FAM13A: variants seen among roughly 807,000 people sequenced by gnomAD.
The protein encoded by FAM13A is family with sequence similarity 13 member A.
Under a neutral mutation model 129.6 loss-of-function variants are expected in FAM13A, and 76 were observed. The ratio of observed to expected loss-of-function variants is 0.59; its 90% confidence interval spans 0.49 to 0.71. The LOEUF (loss-of-function observed/expected upper bound fraction) is 0.71. FAM13A is among the 30% of genes least tolerant of loss of function. The pLI, the probability that FAM13A is intolerant of heterozygous loss-of-function variation, is 0.00. For missense variants in FAM13A, 1,108 were observed against 1,249.3 expected (o/e 0.89, Z 1.70); for synonymous variants, 443 against 449.9 (o/e 0.98, Z 0.20).
chr4:88,852,286 T>G (rs780577603), intron 6 of FAM13A, among the ~76,000 whole-genome samples: 1 of 151,906 alleles, frequency 6.6e-6, no homozygotes, highest in Non-Finnish European at 1.5e-5. Flanking sequence ...CTCAGCCTCC[T>G]GAGTAGGTGG....
At chr4:88,754,909 T>A (rs73841694) in intron 14 of FAM13A, among the ~76,000 whole-genome samples, 2,566 of 152,280 alleles carry the variant, frequency 0.017, 75 homozygotes, top group African/African-American at 0.059. Flanking sequence ...TTTTACCTAA[T>A]GAGAATACCC....
chr4:88,988,736 T>G (rs1762571254), intron 4 of FAM13A, among the ~76,000 whole-genome samples: 1 of 151,990 alleles, frequency 6.6e-6, no homozygotes, highest in Non-Finnish European at 1.5e-5. Context: ...TAAGGCAAAT[T>G]TATTCAATAA....
At position 89,029,584 on chromosome 4, in the gene FAM13A, T is replaced by C; in HGVS notation, c.93A>G (p.Glu31=). 6.3e-7 allele frequency: 1 copy of C among 1,592,760 alleles called. No individual in the cohort carries two copies. The highest frequency in any genetic ancestry group is 8.5e-7 in the Non-Finnish European group (1 of 1,173,212). Reference sequence around the variant, plus strand: ...ACTTCTGATAGGTAAAATCCTTCTGTTCATTTAATGGCACTGCCACTATCT... The same window carrying C: ...ACTTCTGATAGGTAAAATCCTTCTGCTCATTTAATGGCACTGCCACTATCT... ...MKKIVAVPLN[E]QKDFTYQKLF... The change falls in exon 2 of 24, where the codon GAA becomes GAG. Residue 31 remains glutamate, a synonymous_variant. Transcript: ENST00000264344.
At chr4:88,777,292 T>G (rs973760064) in intron 11 of FAM13A, among the ~76,000 whole-genome samples, 1 of 152,172 alleles carries the variant, frequency 6.6e-6, no homozygotes, top group African/African-American at 2.4e-5. Context: ...GAAACTTACT[T>G]TGTCATTTGA....
At chr4:88,974,349 C>T (rs1175967006) in intron 4 of FAM13A, among the ~76,000 whole-genome samples, 4 of 152,218 alleles carry the variant, frequency 2.6e-5, no homozygotes, top group African/African-American at 9.6e-5. Flanking sequence ...GACCTCAACA[C>T]TCTTCCAAAT....
At chr4:89,050,437 C>A (rs1771432641) in intron 1 of FAM13A, among the ~76,000 whole-genome samples, 1 of 151,918 alleles carries the variant, frequency 6.6e-6, no homozygotes, top group Admixed American at 6.6e-5. Context: ...AACTCCTGGC[C>A]TTAAGTGATC....
At chr4:88,958,707 G>A (rs1758150373) in intron 4 of FAM13A, among the ~76,000 whole-genome samples, 1 of 152,190 alleles carries the variant, frequency 6.6e-6, no homozygotes, top group Admixed American at 6.5e-5. Flanking sequence ...TGGAGTTGGA[G>A]CCCCCCGACA....
chr4:89,006,320 G>A (rs1257548685), intron 3 of FAM13A, among the ~76,000 whole-genome samples: 1 of 152,214 alleles, frequency 6.6e-6, no homozygotes, highest in East Asian at 1.9e-4. Flanking sequence ...CACTGACCTA[G>A]CACTTATTAA....
chr4:88,870,310 G>A (rs536399927), intron 6 of FAM13A, among the ~76,000 whole-genome samples: 67 of 152,290 alleles, frequency 4.4e-4, no homozygotes, highest in African/African-American at 1.5e-3. Context: ...CACGGAGGGC[G>A]AGCTGAAGCA....
chr4:89,051,314 T>C (rs28600923), intron 1 of FAM13A, among the ~76,000 whole-genome samples: 113,208 of 151,974 alleles, frequency 0.74, 42,696 homozygotes, highest in African/African-American at 0.88. Context: ...GGTCAAATAA[T>C]TCTCTGGGGT....
chr4:88,911,378 G>T (rs1389248812), intron 5 of FAM13A, among the ~76,000 whole-genome samples: 1 of 152,102 alleles, frequency 6.6e-6, no homozygotes, highest in Non-Finnish European at 1.5e-5. Context: ...ACTTTGGATG[G>T]GCCCTCCCTC....
chr4:88,764,973 T>C (rs1368502050), intron 13 of FAM13A, among the ~76,000 whole-genome samples: 1 of 152,154 alleles, frequency 6.6e-6, no homozygotes, highest in Admixed American at 6.6e-5. Flanking sequence ...ATAATTAAAA[T>C]AAATTAAAAA....
At chr4:88,811,111 T>G (rs992014202) in intron 7 of FAM13A, among the ~76,000 whole-genome samples, 1 of 152,194 alleles carries the variant, frequency 6.6e-6, no homozygotes, top group Admixed American at 6.5e-5. Context: ...TCTGTCCTAC[T>G]GCCAAAATCA....
chr4:89,024,953 C>A (rs991457913), intron 2 of FAM13A, among the ~76,000 whole-genome samples: 2 of 152,102 alleles, frequency 1.3e-5, no homozygotes, highest in South Asian at 2.1e-4. Flanking sequence ...TCATTAAGAG[C>A]GACTGATTTA....
At position 88,822,944 on chromosome 4, in the gene FAM13A, T is replaced by C. The variant is rs553100992; in HGVS notation, c.1008-17892A>G. On this transcript the variant is annotated intron_variant, in intron 7 of 23. Transcript: ENST00000264344. ...GGCTTGATACAACTCAAAAAATACA[T>C]AGCAGAATAAAATAAAATAGGAAAA... 3.2e-5 allele frequency: 51 copies of C among 1,609,552 alleles called. No homozygotes were observed. The African/African-American group carries it at 4.1e-4, about 13-fold the overall frequency.
chr4:88,979,286 T>C (rs1761329995), intron 4 of FAM13A, among the ~76,000 whole-genome samples: 1 of 152,226 alleles, frequency 6.6e-6, no homozygotes, highest in Admixed American at 6.5e-5. Context: ...AGAGCACAAA[T>C]TTGATGATAC....
intron 7 of FAM13A, among the ~76,000 whole-genome samples, chr4:88,831,246 T>C (rs1241878350): frequency 1.3e-5 from 2 of 152,202 alleles, no homozygotes; most frequent in Non-Finnish European, 1.5e-5. Context: ...CGGATAATAG[T>C]GTTTCTGTTC....
At chr4:88,959,335 G>A (rs1758260598) in intron 4 of FAM13A, among the ~76,000 whole-genome samples, 2 of 152,200 alleles carry the variant, frequency 1.3e-5, no homozygotes, top group Admixed American at 1.3e-4. Context: ...AGTGTTGGTA[G>A]TGGGGCTTGG....
intron 7 of FAM13A, among the ~76,000 whole-genome samples, chr4:88,827,826 A>T (rs1733269490): frequency 6.6e-6 from 1 of 152,210 alleles, no homozygotes; most frequent in Non-Finnish European, 1.5e-5. Context: ...GCGATTTGGT[A>T]ACTCATTTTT....
Sources: gnomAD v4.1 joint callset for allele counts (sites outside exome capture counted in the v4.1 genomes callset) on GRCh38, gnomAD v4.1.1 for gene constraint, MANE v1.5 for transcripts, NCBI Gene and HGNC (gene_info 2026-07-23, HGNC 2026-07-21) for gene names.